Variants in CSMD1 observed in about 807,000 individuals in gnomAD.
The protein encoded by CSMD1 is CUB and sushi domain-containing protein 1.
In CSMD1, 213 loss-of-function variants were observed where a neutral mutation model predicts 417.5. The observed-to-expected ratio is 0.51, with a 90% confidence interval of 0.46 to 0.57. The LOEUF (loss-of-function observed/expected upper bound fraction) is 0.57, where lower values mean the gene tolerates loss of function less well. Ranked by LOEUF, CSMD1 falls within the 20% of genes least tolerant of loss-of-function variation. The pLI, the probability that CSMD1 is intolerant of heterozygous loss-of-function variation, is 0.00. For missense variants in CSMD1, 6,923 were observed against 4,529.7 expected, an observed-to-expected ratio of 1.53 and a Z score of -15.17; for synonymous variants, 2,862 against 1,736.8, an observed-to-expected ratio of 1.65 and a Z score of -16.11.
intron 2 of CSMD1, among the ~76,000 whole-genome samples, chr8:4,469,338 C>G (rs762894724): frequency 2.0e-5 from 3 of 152,158 alleles, no homozygotes; most frequent in African/African-American, 7.2e-5. Context: ...TCTGAAAAGT[C>G]TTGTTATTTT....
chr8:4,154,861 C>G (rs1796749288), intron 3 of CSMD1, among the ~76,000 whole-genome samples: 2 of 152,068 alleles, frequency 1.3e-5, no homozygotes, highest in Non-Finnish European at 1.5e-5. Context: ...TTGTTGATAC[C>G]AAGTCAGCTG....
intron 5 of CSMD1, among the ~76,000 whole-genome samples, chr8:3,773,842 C>T (rs79312890): frequency 0.021 from 3,123 of 152,194 alleles, 140 homozygotes; most frequent in East Asian, 0.15. Context: ...CACTTTCCCC[C>T]ACATTGTATT....
chr8:4,300,677 C>G (rs1270876372), intron 3 of CSMD1, among the ~76,000 whole-genome samples: 2 of 152,178 alleles, frequency 1.3e-5, no homozygotes, highest in Admixed American at 6.5e-5. Context: ...AATGCTATCT[C>G]TCCACACTCT....
At chr8:3,382,570 T>G (rs945634137) in intron 18 of CSMD1, among the ~76,000 whole-genome samples, 8 of 140,996 alleles carry the variant, frequency 5.7e-5, no homozygotes, top group Non-Finnish European at 1.1e-4. Flanking sequence ...TCTCTATATA[T>G]ATCTATAATA....
intron 15 of CSMD1, among the ~76,000 whole-genome samples, chr8:3,402,213 C>A (rs912235428): frequency 2.0e-5 from 3 of 152,200 alleles, no homozygotes; most frequent in African/African-American, 7.2e-5. Flanking sequence ...AACTCACTCA[C>A]ACCCCTGTAG....
intron 1 of CSMD1, among the ~76,000 whole-genome samples, chr8:4,946,923 T>G (rs1398898625): frequency 1.3e-5 from 2 of 152,220 alleles, no homozygotes; most frequent in Admixed American, 6.5e-5. Flanking sequence ...ACAGAGCATA[T>G]GTACATACGT....
At chr8:4,455,614 T>C (rs995239611) in intron 2 of CSMD1, among the ~76,000 whole-genome samples, 10 of 151,852 alleles carry the variant, frequency 6.6e-5, no homozygotes, top group African/African-American at 2.4e-4. Flanking sequence ...CATCTTATTT[T>C]CTCTTTCAGG....
At chr8:4,919,503 T>C (rs1452402023) in intron 1 of CSMD1, among the ~76,000 whole-genome samples, 1 of 152,212 alleles carries the variant, frequency 6.6e-6, no homozygotes, top group Admixed American at 6.5e-5. Context: ...TTATCGGTCA[T>C]TTTGATAGAA....
chr8:4,811,163 A>T (rs1162983103), intron 1 of CSMD1, among the ~76,000 whole-genome samples: 1 of 152,206 alleles, frequency 6.6e-6, no homozygotes, highest in African/African-American at 2.4e-5. Context: ...AGTGGCATCA[A>T]CCATCACTGC....
intron 3 of CSMD1, among the ~76,000 whole-genome samples, chr8:4,246,999 A>G (rs1006675942): frequency 6.6e-6 from 1 of 152,222 alleles, no homozygotes; most frequent in Non-Finnish European, 1.5e-5. Context: ...ATTATTTATA[A>G]AACACTCAGC....
intron 6 of CSMD1, among the ~76,000 whole-genome samples, chr8:3,737,772 A>C (rs1321052911): frequency 6.6e-6 from 1 of 152,238 alleles, no homozygotes; most frequent in African/African-American, 2.4e-5. Flanking sequence ...AGCTCCCATG[A>C]AATCGTCTGA....
intron 7 of CSMD1, among the ~76,000 whole-genome samples, chr8:3,630,708 A>G: frequency 7.0e-6 from 1 of 143,110 alleles, no homozygotes; most frequent in Middle Eastern, 3.6e-3. Context: ...TGCTTCCAAG[A>G]ATTGAGGGAA....
intron 3 of CSMD1, among the ~76,000 whole-genome samples, chr8:4,050,091 A>G (rs571216527): frequency 1.3e-4 from 20 of 152,258 alleles, no homozygotes; most frequent in Admixed American, 1.3e-3. Flanking sequence ...ACAGTGCACC[A>G]GGTTGTGGGT....
intron 16 of CSMD1, among the ~76,000 whole-genome samples, chr8:3,398,204 C>T (rs990514109): frequency 4.6e-5 from 7 of 152,098 alleles, no homozygotes; most frequent in Admixed American, 2.6e-4. Flanking sequence ...GGAGTCAGGG[C>T]GTGCTTCAGC....
intron 1 of CSMD1, among the ~76,000 whole-genome samples, chr8:4,844,531 G>A (rs1561359): frequency 0.4 from 61,236 of 151,924 alleles, 14,027 homozygotes; most frequent in East Asian, 0.68. Flanking sequence ...TGCCTGCTGC[G>A]ACTGGCTCGA....
At chr8:2,947,437 G>T (rs1802325592) in intron 68 of CSMD1, among the ~76,000 whole-genome samples, 1 of 152,144 alleles carries the variant, frequency 6.6e-6, no homozygotes. Context: ...AGTTGAAGGG[G>T]GGACTTACTT....
intron 20 of CSMD1, among the ~76,000 whole-genome samples, chr8:3,364,245 C>G (rs562447454): frequency 1.3e-5 from 2 of 152,106 alleles, no homozygotes; most frequent in African/African-American, 2.4e-5. Context: ...GAAATTACTC[C>G]TCTAACATAC....
intron 3 of CSMD1, among the ~76,000 whole-genome samples, chr8:4,341,077 A>C (rs1312726650): frequency 6.6e-6 from 1 of 152,072 alleles, no homozygotes; most frequent in Non-Finnish European, 1.5e-5. Context: ...AAACTTGGGA[A>C]AGAATAGTGA....
intron 3 of CSMD1, among the ~76,000 whole-genome samples, chr8:4,185,570 C>G (rs1798620896): frequency 6.6e-6 from 1 of 152,014 alleles, no homozygotes; most frequent in African/African-American, 2.4e-5. Flanking sequence ...ACAAATGGAT[C>G]AAAAGTATCC....
Sources: allele counts gnomAD v4.1 joint callset (sites outside exome capture counted in the v4.1 genomes callset), GRCh38; gene constraint gnomAD v4.1.1; transcripts MANE v1.5; gene names NCBI Gene and HGNC (gene_info 2026-07-23, HGNC 2026-07-21).